Variants in STX1A observed in about 807,000 individuals in gnomAD.
The protein encoded by STX1A is syntaxin 1A, also known as syntaxin-1A.
A neutral mutation model predicts 37.8 loss-of-function variants in STX1A; 4 were observed. The ratio of observed to expected loss-of-function variants is 0.11; its 90% CI spans 0.05 to 0.24. The LOEUF is 0.24. Among genes scored for constraint, STX1A ranks in the 10% least tolerant of loss-of-function variants. The pLI is 1.00. For synonymous variants in STX1A, 135 were observed against 147.4 expected, an observed-to-expected ratio of 0.92 and a Z score of 0.61; for missense variants, 251 against 399.9, an observed-to-expected ratio of 0.63 and a Z score of 3.18.
At chr7:73,704,284 G>A (rs1466352544) in intron 5 of STX1A, 28 bp from the exon 6 acceptor site, 23 of 1,613,618 alleles carry the variant, frequency 1.4e-5, no homozygotes, top group East Asian at 8.9e-5. Flanking sequence ...AGGTGCAGGG[G>A]TCAGGCCCTG....
chr7:73,710,108 ACAGT>A (rs1799045389), intron 1 of STX1A, among the ~76,000 whole-genome samples: 1 of 152,198 alleles, frequency 6.6e-6, no homozygotes, highest in African/African-American at 2.4e-5. Context: ...GCACAAGGGG[ACAGT>A]CATGTTGCCA....
Position 73,717,449 on chromosome 7 carries a change from C to T in STX1A, c.30+2153G>A, listed in dbSNP as rs908518526. Among the ~76,000 whole-genome samples the T allele has an allele frequency of 3.9e-5, 6 of 152,142 alleles. No homozygotes were observed. Among genetic ancestry groups the T allele is most frequent in the Non-Finnish European group, 4.4e-5 (3 of 68,014 alleles). On this transcript the variant is annotated intron_variant, in intron 1 of 9. Coordinates refer to ENST00000222812, the MANE Select transcript of STX1A (RefSeq NM_004603.4). The surrounding 1 kb of genome is among the most constrained non-coding windows in gnomAD (Gnocchi z 4.1). The stretch of plus-strand genomic sequence containing the variant: ...TCAGGAGACCTGTAGCCCTGCTTCT[C>T]GTCCCGAGAAACTGAATTCTAGGCT...
rs782502958 is a variant in STX1A at position 73,702,766 on chromosome 7, C to G, written c.678+79G>C. 1.9e-6 allele frequency: 3 copies of G among 1,601,910 alleles called. No homozygotes were observed. Among genetic ancestry groups the G allele is most frequent in the East Asian group, 4.5e-5 (2 of 44,584 alleles). On this transcript the variant is annotated intron_variant, in intron 8 of 9. Coordinates refer to ENST00000222812, the MANE Select transcript of STX1A (RefSeq NM_004603.4). The surrounding 1 kb of genome is among the most constrained non-coding windows in gnomAD (Gnocchi z 4.7). ...GTCCCTCCCCGGCAGGGCAGCGTGT[C>G]GGGCAGAAAGGGCGAGGTTAGTGCA...
chr7:73,705,454 T>C lies in STX1A; in HGVS notation c.209-230A>G. The C allele has an allele frequency of 1.9e-6, 1 of 515,722 alleles. No individual in the cohort carries two copies. The highest frequency in any genetic ancestry group is 3.4e-5 in the Admixed American group (1 of 29,308). 31.9% of individuals were successfully genotyped at this position (515,722 alleles called of 1,614,324 possible). On this transcript the variant is annotated intron_variant, in intron 3 of 9. Transcript: ENST00000222812. This position sits in a 1 kb window ranked among gnomAD's most constrained non-coding sequence, Gnocchi z 5.2. Reference sequence around the variant, plus strand: ...GTGCTGTCTTCGGAGGAGCCTCCCTTCCTCCTTTGCTGGCGCCCCCACCCC... The same window carrying C: ...GTGCTGTCTTCGGAGGAGCCTCCCTCCCTCCTTTGCTGGCGCCCCCACCCC...
At position 73,702,969 on chromosome 7, in the gene STX1A, G is replaced by T; in HGVS notation, c.554C>A (p.Ser185Tyr). ...GCTCAGAGCCTGCTTCGAGATGCTG[G>T]AGTCCATGATGATCTGGGGGTGGGA... Reference protein sequence around the residue: ...AIFASGIIMDSSISKQALSEI... With the variant: ...AIFASGIIMDYSISKQALSEI... Residue 185 changes from serine (S) to tyrosine (Y), a missense_variant, in exon 8 of 10, where the codon TCC becomes TAC. By Grantham distance (144) the Ser-to-Tyr change is moderately radical. Transcript: ENST00000222812. The surrounding 1 kb of genome is among the most constrained non-coding windows in gnomAD (Gnocchi z 4.7). 6.2e-7 allele frequency: 1 copy of T among 1,607,126 alleles called. No homozygotes were observed. Among genetic ancestry groups the T allele is most frequent in the Non-Finnish European group, 8.5e-7 (1 of 1,176,980 alleles).
At chr7:73,719,335 G>A (rs1474198251) in intron 1 of STX1A, among the ~76,000 whole-genome samples, 5 of 152,132 alleles carry the variant, frequency 3.3e-5, no homozygotes, top group Admixed American at 1.3e-4. Context: ...AAATCAAGAG[G>A]GCCCCGAAAA....
intron 3 of STX1A, among the ~76,000 whole-genome samples, chr7:73,707,951 AAAAAG>A (rs1798937473): frequency 6.8e-6 from 1 of 146,178 alleles, no homozygotes; most frequent in Admixed American, 6.9e-5. Context: ...AAAAAAAAGA[AAAAAG>A]AAAAGAAAAA....
At chr7:73,703,877 A>G (rs1798762179) in intron 6 of STX1A, 49 bp from the exon 7 acceptor site, 2 of 1,587,678 alleles carry the variant, frequency 1.3e-6, no homozygotes, top group Non-Finnish European at 1.7e-6. Context: ...CGGGGAGTTC[A>G]GCAGCAGCAT....
At chr7:73,710,612 G>C (rs1160535922) in intron 1 of STX1A, among the ~76,000 whole-genome samples, 1 of 152,082 alleles carries the variant, frequency 6.6e-6, no homozygotes, top group African/African-American at 2.4e-5. Flanking sequence ...TTTTAGTAGA[G>C]ACAGGTTTCA....
chr7:73,700,232 G>A lies in STX1A; in HGVS notation c.*175C>T, dbSNP rs1554615585. On this transcript the variant is annotated 3_prime_UTR_variant, in exon 10 of 10. Transcript: ENST00000222812. The surrounding 1 kb of genome is among the most constrained non-coding windows in gnomAD (Gnocchi z 4.4). Reference sequence around the variant, plus strand: ...ACAGACGCACACTCACAGAGATCATGCACACGACACGGGGCGGGGACGGAG... The same window carrying A: ...ACAGACGCACACTCACAGAGATCATACACACGACACGGGGCGGGGACGGAG... 1 of 648,302 alleles carries A rather than the reference G, an allele frequency of 1.5e-6. No homozygotes were observed. Among genetic ancestry groups the A allele is most frequent in the Non-Finnish European group, 2.7e-6 (1 of 365,280 alleles). 40.2% of individuals were successfully genotyped at this position (648,302 alleles called of 1,614,324 possible).
intron 8 of STX1A, among the ~76,000 whole-genome samples, chr7:73,701,520 CAAA>C (rs1181773042): frequency 6.8e-6 from 1 of 147,046 alleles, no homozygotes; most frequent in African/African-American, 2.5e-5. Flanking sequence ...GACTCCGTCT[CAAA>C]AAAAGAAAAA....
chr7:73,703,843 GGTCACA>G lies in STX1A; in HGVS notation c.467-21_467-16del, dbSNP rs1411537078. On this transcript the variant is annotated splice_polypyrimidine_tract_variant and intron_variant, in intron 6 of 9. Coordinates refer to ENST00000222812, the MANE Select transcript of STX1A (RefSeq NM_004603.4). ...GGTCCTGCCGGCTGCAAGCGAGTGG[GGTCACA>G]CTGAGCCCAGCCCTCTTCGGGGAGT... 8.7e-6 allele frequency: 14 copies of G among 1,611,946 alleles called. No homozygotes were observed. The Admixed American group carries it at 1.2e-4, about 13-fold the overall frequency.
In STX1A at chr7:73,703,841, G is replaced by A. The variant is rs782139581; in HGVS notation, c.467-13C>T. 6.2e-7 allele frequency: 1 copy of A among 1,612,256 alleles called. No homozygotes were observed. Among genetic ancestry groups the A allele is most frequent in the South Asian group, 1.1e-5 (1 of 90,940 alleles). On this transcript the variant is annotated splice_polypyrimidine_tract_variant and intron_variant, in intron 6 of 9. Coordinates refer to ENST00000222812, the MANE Select transcript of STX1A (RefSeq NM_004603.4). ...GTGGTCCTGCCGGCTGCAAGCGAGT[G>A]GGGTCACACTGAGCCCAGCCCTCTT...
Position 73,700,888 on chromosome 7 carries a change from T to A in STX1A, c.679-48A>T. On this transcript the variant is annotated intron_variant, in intron 8 of 9. Transcript: ENST00000222812. This position sits in a 1 kb window ranked among gnomAD's most constrained non-coding sequence, Gnocchi z 4.4. The stretch of plus-strand genomic sequence containing the variant: ...GCTCCAGAGGGCCCCCTCCTCAGGG[T>A]TGGGTTGGGGCTCGGGGCAGGACTT... 6.2e-7 allele frequency: 1 copy of A among 1,607,298 alleles called. No individual in the cohort carries two copies. Among genetic ancestry groups the A allele is most frequent in the South Asian group, 1.1e-5 (1 of 90,904 alleles).
chr7:73,714,390 A>G (rs950933388), intron 1 of STX1A, among the ~76,000 whole-genome samples: 6 of 151,784 alleles, frequency 4.0e-5, no homozygotes, highest in Admixed American at 6.6e-5. Context: ...TTACAGGCGT[A>G]AGCCACCGCG....
At position 73,700,442 on chromosome 7, in the gene STX1A, C is replaced by T. The variant is rs201037992; in HGVS notation, c.832G>A (p.Val278Ile). 1.4e-5 allele frequency: 22 copies of T among 1,614,058 alleles called. No homozygotes were observed. The highest frequency in any genetic ancestry group is 2.7e-5 in the African/African-American group (2 of 75,008). The change falls in exon 10 of 10, where the codon GTC (valine) becomes ATC (isoleucine). Residue 278 changes from valine (V) to isoleucine (I), a missense_variant. Val to Ile is a conservative substitution (Grantham distance 29). Around this residue, in one of 2 missense-constraint regions of STX1A, gnomAD observed 214 missense variants for 367.6 expected, o/e 0.58. Coordinates refer to ENST00000222812, the MANE Select transcript of STX1A (RefSeq NM_004603.4). This position sits in a 1 kb window ranked among gnomAD's most constrained non-coding sequence, Gnocchi z 4.4. ...ATGCCCCCAACAGTGGAGGCGATGA[C>T]GATGCCCAGGATCACACAGCAGATG... ...IIICCVILGI[V>I]IASTVGGIFA
chr7:73,701,125 CAG>C (rs1798637415), intron 8 of STX1A: 1 of 606,224 alleles, frequency 1.6e-6, no homozygotes, highest in Non-Finnish European at 2.9e-6. Flanking sequence ...AGAACACTGT[CAG>C]AGATGTGGCA....
At chr7:73,718,441 G>C (rs1333889644) in intron 1 of STX1A, among the ~76,000 whole-genome samples, 3 of 152,134 alleles carry the variant, frequency 2.0e-5, no homozygotes, top group Non-Finnish European at 4.4e-5. Flanking sequence ...GGGGTCAAAT[G>C]CCCAAAGGAC....
chr7:73,719,299 A>G (rs1352812320), intron 1 of STX1A, among the ~76,000 whole-genome samples: 9 of 151,520 alleles, frequency 5.9e-5, no homozygotes, highest in African/African-American at 2.2e-4. Flanking sequence ...CGCCACCAAA[A>G]CCCCATCATA....
Sources: gnomAD v4.1 joint callset for allele counts (sites outside exome capture counted in the v4.1 genomes callset) on GRCh38, gnomAD v4.1.1 for gene constraint, gnomAD v4.1.1 regional missense constraint, Gnocchi (gnomAD v3.1) non-coding constraint, MANE v1.5 for transcripts, NCBI Gene and HGNC (gene_info 2026-07-23, HGNC 2026-07-21) for gene names.